LDB2: variants seen among roughly 807,000 people sequenced by gnomAD.
LDB2 encodes the protein LIM domain binding 2, also known as LIM domain-binding protein 2.
Under a neutral mutation model 44.3 loss-of-function variants are expected in LDB2, and 12 were observed. That is an observed-to-expected ratio of 0.27 (90% confidence interval 0.17 to 0.44). The LOEUF (loss-of-function observed/expected upper bound fraction) is 0.44, where lower values mean the gene tolerates loss of function less well. Ranked by LOEUF, LDB2 falls within the 20% of genes least tolerant of loss-of-function variation. LDB2 has a pLI of 1.00. For synonymous variants in LDB2, 164 were observed against 174.8 expected (o/e 0.94, Z 0.49); for missense variants, 344 against 473.5 (o/e 0.73, Z 2.54).
intron 3 of LDB2, 105 bp downstream of exon 3, chr4:16,595,598 G>GAT: frequency 1.0e-6 from 1 of 978,866 alleles, no homozygotes; most frequent in Non-Finnish European, 1.5e-6. Context: ...AAAGTGTCTG[G>GAT]GAGATGAGCA....
intron 2 of LDB2, among the ~76,000 whole-genome samples, chr4:16,754,846 T>C (rs1766192424): frequency 6.6e-6 from 1 of 152,164 alleles, no homozygotes; most frequent in African/African-American, 2.4e-5. Context: ...GATGGTAGTA[T>C]TATACTCACT....
At chr4:16,661,281 C>T (rs1268725235) in intron 2 of LDB2, among the ~76,000 whole-genome samples, 2 of 152,202 alleles carry the variant, frequency 1.3e-5, no homozygotes, top group East Asian at 3.8e-4. Context: ...CAGTCAAGCA[C>T]TATGTACCAA....
In LDB2 at chr4:16,622,749, C is replaced by T. The variant is rs78139758; in HGVS notation, c.236-26874G>A. ...CTGAGAAACTAAGATGGGATTTTATCGCTCTAGCGTAGAGTGAAAGCATTT... is the reference window on the plus strand; with the variant it reads ...CTGAGAAACTAAGATGGGATTTTATTGCTCTAGCGTAGAGTGAAAGCATTT... On this transcript the variant is annotated intron_variant, in intron 2 of 7. Transcript: ENST00000304523. Among the ~76,000 whole-genome samples the T allele has an allele frequency of 3.2e-4, 49 of 152,288 alleles. 1 individual carries two copies. The East Asian group carries it at 8.7e-3, about 27-fold the overall frequency.
intron 2 of LDB2, chr4:16,674,456 T>C (rs16893739): frequency 0.01 from 4,075 of 397,216 alleles, 157 homozygotes; most frequent in African/African-American, 0.079. Context: ...TGTCCACGTA[T>C]TGGGCTCTAT....
At chr4:16,686,113 G>T (rs1354932192) in intron 2 of LDB2, among the ~76,000 whole-genome samples, 1 of 152,062 alleles carries the variant, frequency 6.6e-6, no homozygotes, top group African/African-American at 2.4e-5. Context: ...ACAATATTAA[G>T]AATTCAGTTT....
chr4:16,772,923 A>G (rs1203782076), intron 1 of LDB2, among the ~76,000 whole-genome samples: 1 of 152,268 alleles, frequency 6.6e-6, no homozygotes, highest in Non-Finnish European at 1.5e-5. Context: ...ACAGTGGGAC[A>G]GAATGGAGAA....
chr4:16,534,127 C>T (rs1240098780), intron 5 of LDB2, among the ~76,000 whole-genome samples: 1 of 152,170 alleles, frequency 6.6e-6, no homozygotes, highest in Admixed American at 6.6e-5. Flanking sequence ...ACTCACGTTC[C>T]TCTGATGATC....
chr4:16,734,645 C>G (rs1473712245), intron 2 of LDB2, among the ~76,000 whole-genome samples: 2 of 152,056 alleles, frequency 1.3e-5, no homozygotes, highest in Admixed American at 6.6e-5. Context: ...CCTGTCTTGC[C>G]CATGATTTCT....
Position 16,670,841 on chromosome 4 carries a change from T to C in LDB2, c.236-74966A>G, listed in dbSNP as rs186360738. ...GACATGTAATAAGGGGTATGTGAAT[T>C]AGCTATTGTTATTTATTGAGTGTTT... On this transcript the variant is annotated intron_variant, in intron 2 of 7. Transcript: ENST00000304523. Among the ~76,000 whole-genome samples the C allele has an allele frequency of 2.6e-4, 39 of 152,342 alleles. No individual in the cohort carries two copies. The South Asian group carries it at 5.2e-3, about 20-fold the overall frequency.
At chr4:16,577,542 T>A (rs992755321) in intron 5 of LDB2, among the ~76,000 whole-genome samples, 9 of 152,132 alleles carry the variant, frequency 5.9e-5, no homozygotes, top group Non-Finnish European at 1.2e-4. Context: ...AAATGAAAAC[T>A]ACAATGTATT....
chr4:16,586,011 T>C lies in LDB2; in HGVS notation c.532-6A>G. The stretch of plus-strand genomic sequence containing the variant: ...AGGACCTGAGGATCTTGTGCCTAAA[T>C]GGAAAAAAAACCCCACATGTATTTT... On this transcript the variant is annotated splice_polypyrimidine_tract_variant and splice_region_variant and intron_variant, in intron 4 of 7. Coordinates refer to ENST00000304523, the MANE Select transcript of LDB2 (RefSeq NM_001290.5). 1.2e-6 allele frequency: 2 copies of C among 1,611,840 alleles called. No homozygotes were observed. Among genetic ancestry groups the C allele is most frequent in the Non-Finnish European group, 1.7e-6 (2 of 1,178,228 alleles).
At chr4:16,752,035 C>G (rs2109115356) in intron 2 of LDB2, among the ~76,000 whole-genome samples, 1 of 152,176 alleles carries the variant, frequency 6.6e-6, no homozygotes, top group South Asian at 2.1e-4. Context: ...TTAATGGAAC[C>G]CCATGCGAAT....
At chr4:16,596,013 A>T in intron 2 of LDB2, 138 bp from the exon 3 acceptor site, 1 of 810,772 alleles carries the variant, frequency 1.2e-6, no homozygotes, top group Non-Finnish European at 1.9e-6. Context: ...ATTTCTCTTT[A>T]AAAACAGCCA....
intron 5 of LDB2, among the ~76,000 whole-genome samples, chr4:16,553,127 A>G (rs575718586): frequency 1.3e-5 from 2 of 152,306 alleles, no homozygotes; most frequent in African/African-American, 4.8e-5. Context: ...CAGATTTAGT[A>G]TCCTCAGTAA....
At chr4:16,665,865 G>A (rs1743009989) in intron 2 of LDB2, among the ~76,000 whole-genome samples, 2 of 152,150 alleles carry the variant, frequency 1.3e-5, no homozygotes, top group Non-Finnish European at 2.9e-5. Flanking sequence ...TGAAGAGAAG[G>A]GAAAACAGAT....
chr4:16,690,523 AG>A (rs1750474658), intron 2 of LDB2, among the ~76,000 whole-genome samples: 1 of 10,940 alleles, frequency 9.1e-5, no homozygotes, highest in Non-Finnish European at 1.8e-4. Flanking sequence ...GGGAGGGGGG[AG>A]GGAGGGAGGG....
intron 1 of LDB2, among the ~76,000 whole-genome samples, chr4:16,824,221 A>ATGTGGG (rs1410242194): frequency 6.6e-6 from 1 of 151,406 alleles, no homozygotes; most frequent in Non-Finnish European, 1.5e-5. Flanking sequence ...GTGTGTGTGT[A>ATGTGGG]TGTGTGTGTG....
chr4:16,508,344 G>T (rs1386336960), intron 7 of LDB2, among the ~76,000 whole-genome samples, 191 bp downstream of exon 7: 3 of 152,060 alleles, frequency 2.0e-5, no homozygotes, highest in Non-Finnish European at 2.9e-5. Flanking sequence ...TTCCCAGTTT[G>T]CAGGGGAAGG....
At position 16,712,487 on chromosome 4, in the gene LDB2, G is replaced by C. The variant is rs533903500; in HGVS notation, c.235+46671C>G. On this transcript the variant is annotated intron_variant, in intron 2 of 7. Coordinates refer to ENST00000304523, the MANE Select transcript of LDB2 (RefSeq NM_001290.5). Reference sequence around the variant, plus strand: ...GAATAGCTTGAGCCCAGGAGTCGGAGGTTGTAGTGAGCCAAGATTGCACCA... The same window carrying C: ...GAATAGCTTGAGCCCAGGAGTCGGACGTTGTAGTGAGCCAAGATTGCACCA... 3.3e-5 allele frequency among the ~76,000 whole-genome samples: 5 copies of C among 152,258 alleles called. No homozygotes were observed. The South Asian group carries it at 1.0e-3, about 32-fold the overall frequency.
Sources: gnomAD v4.1 joint callset for allele counts (sites outside exome capture counted in the v4.1 genomes callset) on GRCh38, gnomAD v4.1.1 for gene constraint, MANE v1.5 for transcripts, NCBI Gene and HGNC (gene_info 2026-07-23, HGNC 2026-07-21) for gene names.